The following FSIP1 variants were observed in gnomAD, a reference collection of about 807,000 sequenced individuals.
FSIP1 encodes fibrous sheath interacting protein 1.
A neutral mutation model predicts 60.9 loss-of-function variants in FSIP1; 65 were observed. The ratio of observed to expected loss-of-function variants is 1.07; its 90% confidence interval spans 0.87 to 1.31. FSIP1 has a LOEUF of 1.31. Among genes scored for constraint, FSIP1 ranks in the 40% most tolerant of loss-of-function variants. The probability of loss-of-function intolerance (pLI) is 0.00; values close to 1 mark genes in which losing one functional copy is unlikely to be tolerated. For synonymous variants in FSIP1, 209 were observed against 221.2 expected (o/e 0.94, Z 0.49); for missense variants, 675 against 665.5 (o/e 1.01, Z -0.16).
At chr15:39,695,467 C>T (rs1894778471) in intron 10 of FSIP1, among the ~76,000 whole-genome samples, 1 of 152,038 alleles carries the variant, frequency 6.6e-6, no homozygotes, top group African/African-American at 2.4e-5. Context: ...TGTTTATATA[C>T]TCCCATGAGT....
chr15:39,710,882 T>C (rs1367223914), intron 10 of FSIP1, among the ~76,000 whole-genome samples: 1 of 152,208 alleles, frequency 6.6e-6, no homozygotes, highest in African/African-American at 2.4e-5. Flanking sequence ...TGGCTCATAG[T>C]TGGTATTCAA....
intron 9 of FSIP1, among the ~76,000 whole-genome samples, chr15:39,726,369 A>G (rs561508988): frequency 6.6e-6 from 1 of 152,230 alleles, no homozygotes; most frequent in East Asian, 1.9e-4. Flanking sequence ...AATCATAGAG[A>G]TATAATAATA....
Position 39,668,783 on chromosome 15 carries a change from G to A in FSIP1, c.1188+44661C>T, listed in dbSNP as rs73393295. On this transcript the variant is annotated intron_variant, in intron 10 of 11. Coordinates refer to ENST00000350221, the MANE Select transcript of FSIP1 (RefSeq NM_152597.5). ...GTTCTCAAGTAGCTACAATTCCTTC[G>A]CCTCGCTTTTTCTTCACATATATTG... 5.5e-4 allele frequency among the ~76,000 whole-genome samples: 84 copies of A among 152,106 alleles called. No homozygotes were observed. The South Asian group carries it at 1.0e-2, about 18-fold the overall frequency.
At chr15:39,739,591 C>A in intron 7 of FSIP1, 74 bp downstream of exon 7, 1 of 1,330,866 alleles carries the variant, frequency 7.5e-7, no homozygotes. Flanking sequence ...TTTAAAGACA[C>A]TGAACAAAAC....
At chr15:39,711,574 A>G (rs777271262) in intron 10 of FSIP1, among the ~76,000 whole-genome samples, 4 of 152,020 alleles carry the variant, frequency 2.6e-5, no homozygotes, top group Non-Finnish European at 5.9e-5. Context: ...AAACCAATCA[A>G]ACCAAAACAT....
intron 1 of FSIP1, among the ~76,000 whole-genome samples, chr15:39,780,505 G>A (rs1566925211): frequency 6.6e-6 from 1 of 152,270 alleles, no homozygotes; most frequent in Non-Finnish European, 1.5e-5. Flanking sequence ...GGGCAACAGA[G>A]CGAGACTCCG....
chr15:39,642,419 T>C (rs1430232943), intron 10 of FSIP1, among the ~76,000 whole-genome samples: 2 of 152,196 alleles, frequency 1.3e-5, no homozygotes, highest in East Asian at 1.9e-4. Flanking sequence ...TGAGTGGCTG[T>C]CTCCAGCTCA....
At chr15:39,623,240 T>C (rs1291402348) in intron 10 of FSIP1, among the ~76,000 whole-genome samples, 2 of 152,204 alleles carry the variant, frequency 1.3e-5, no homozygotes, top group Admixed American at 6.5e-5. Context: ...CTCCAGTTAA[T>C]TGGGCAATGG....
chr15:39,615,260 G>A (rs985434829), intron 11 of FSIP1, among the ~76,000 whole-genome samples: 1 of 151,792 alleles, frequency 6.6e-6, no homozygotes, highest in Non-Finnish European at 1.5e-5. Context: ...ATAGACAAAT[G>A]TGATTATATC....
chr15:39,697,764 T>C (rs1013859266), intron 10 of FSIP1, among the ~76,000 whole-genome samples: 4 of 152,252 alleles, frequency 2.6e-5, no homozygotes, highest in African/African-American at 9.6e-5. Context: ...GTATTCTTTC[T>C]TTTCCAAGAT....
chr15:39,603,745 G>A (rs923088312), intron 11 of FSIP1, among the ~76,000 whole-genome samples: 1 of 152,124 alleles, frequency 6.6e-6, no homozygotes. Flanking sequence ...GAAAAAAGCA[G>A]ACATTCAGCA....
At chr15:39,608,135 A>G (rs1380028528) in intron 11 of FSIP1, among the ~76,000 whole-genome samples, 1 of 152,236 alleles carries the variant, frequency 6.6e-6, no homozygotes, top group Non-Finnish European at 1.5e-5. Flanking sequence ...TAATAATGTA[A>G]GACCTATTCC....
rs111304998 is a variant in FSIP1 at position 39,635,980 on chromosome 15, C to T, written c.1189-17735G>A. On this transcript the variant is annotated intron_variant, in intron 10 of 11. Transcript: ENST00000350221. ...GTCCCTCCTCACTGTATCTCTTAGG[C>T]TCTTGTTGAAGAGCATCTCATCAGG... 9.1e-3 allele frequency among the ~76,000 whole-genome samples: 1,387 copies of T among 152,188 alleles called. 21 individuals are homozygous for T. Among genetic ancestry groups the T allele is most frequent in the African/African-American group, 0.027 (1,129 of 41,522 alleles).
At chr15:39,775,658 A>G (rs895833259) in intron 2 of FSIP1, among the ~76,000 whole-genome samples, 4 of 152,240 alleles carry the variant, frequency 2.6e-5, no homozygotes, top group African/African-American at 4.8e-5. Flanking sequence ...TTCTTCTGAC[A>G]GTGTTCTCAT....
rs1898156239 is a variant in FSIP1 at position 39,778,972 on chromosome 15, A to G, written c.-7-2441T>C. Among the ~76,000 whole-genome samples, 4 of 152,282 alleles carry G rather than the reference A, an allele frequency of 2.6e-5. No homozygotes were observed. The South Asian group carries it at 6.2e-4, about 24-fold the overall frequency. On this transcript the variant is annotated intron_variant, in intron 1 of 11. Transcript: ENST00000350221. The stretch of plus-strand genomic sequence containing the variant: ...ACTTAGTAAGCGTGATACTAAGAAT[A>G]TAAATCAAAAAGGAAAAGACTAACA...
chr15:39,687,137 C>CTTTTTTTTTTTT (rs386382788), intron 10 of FSIP1, among the ~76,000 whole-genome samples: 3 of 115,488 alleles, frequency 2.6e-5, no homozygotes, highest in Non-Finnish European at 5.0e-5. Flanking sequence ...TTTTCTTTTC[C>CTTTTTTTTTTTT]TTTTTTTTTT....
intron 11 of FSIP1, among the ~76,000 whole-genome samples, chr15:39,615,429 A>AC (rs1472760324): frequency 6.6e-6 from 1 of 150,392 alleles, no homozygotes; most frequent in Non-Finnish European, 1.5e-5. Flanking sequence ...AAAAAAAAAA[A>AC]AATTAAAAAA....
At chr15:39,638,634 C>T (rs2140415077) in intron 10 of FSIP1, among the ~76,000 whole-genome samples, 1 of 152,256 alleles carries the variant, frequency 6.6e-6, no homozygotes, top group South Asian at 2.1e-4. Flanking sequence ...ATCCATTTCA[C>T]TGTGTGTGTT....
At chr15:39,751,418 AACACACAC>A (rs3065153) in intron 5 of FSIP1, among the ~76,000 whole-genome samples, 85 of 144,836 alleles carry the variant, frequency 5.9e-4, no homozygotes, top group East Asian at 3.4e-3. Context: ...GTAATACATA[AACACACAC>A]ACACACACAC....
Sources: gnomAD v4.1 joint callset for allele counts (sites outside exome capture counted in the v4.1 genomes callset) on GRCh38, gnomAD v4.1.1 for gene constraint, MANE v1.5 for transcripts, NCBI Gene and HGNC (gene_info 2026-07-23, HGNC 2026-07-21) for gene names.